The following RPL38 variants were observed in gnomAD, a reference collection of about 807,000 sequenced individuals.
RPL38 encodes ribosomal protein L38.
RPL38 carries 2 observed loss-of-function variants against 12.8 expected under a neutral mutation model. The observed-to-expected ratio is 0.16, with a 90% CI of 0.06 to 0.49. The LOEUF (loss-of-function observed/expected upper bound fraction) is 0.49. Among genes scored for constraint, RPL38 ranks in the 20% least tolerant of loss-of-function variants. The pLI is 0.96. For missense variants in RPL38, 52 were observed against 79.8 expected (o/e 0.65, Z 1.33); for synonymous variants, 42 against 30.1 (o/e 1.39, Z -1.29).
At chr17:74,204,288 C>A in intron 3 of RPL38, 98 bp downstream of exon 3, 1 of 1,089,352 alleles carries the variant, frequency 9.2e-7, no homozygotes, top group South Asian at 1.3e-5. Context: ...ACGGTTAGGC[C>A]GTCTGGGTGT....
At chr17:74,205,853 C>G (rs1029443433) in intron 3 of RPL38, 4 of 152,046 alleles carry the variant, frequency 2.6e-5, no homozygotes, top group African/African-American at 7.3e-5. Flanking sequence ...AACCCCATTT[C>G]TACTAAAAAT....
chr17:74,205,450 C>G (rs1287756893), intron 3 of RPL38: 1 of 152,208 alleles, frequency 6.6e-6, no homozygotes, highest in Non-Finnish European at 1.5e-5. Flanking sequence ...GAGAGTCTTT[C>G]AATGAGTTGG....
At position 74,206,708 on chromosome 17, in the gene RPL38, CTTTTTTTTTTT is replaced by C. The variant is rs35333460; in HGVS notation, c.65-2467_65-2457del. Among the ~76,000 whole-genome samples the C allele has an allele frequency of 1.8e-3, 183 of 101,594 alleles. 4 individuals carry two copies. Among genetic ancestry groups the C allele is most frequent in the African/African-American group, 6.4e-3 (165 of 25,716 alleles). The allele number at this position is 101,594 out of a possible 152,430, so 66.6% of individuals were successfully genotyped here. ...CAGAATTGCCTTCTGTTTTTTCTTT[CTTTTTTTTTTT>C]TTTTTTTTTTTGACATGGAATGTCA... On this transcript the variant is annotated intron_variant, in intron 3 of 4. Transcript: ENST00000311111.
chr17:74,207,470 G>T lies in RPL38; in HGVS notation c.65-1717G>T, dbSNP rs566946536. Among the ~76,000 whole-genome samples the T allele has an allele frequency of 4.6e-5, 7 of 152,258 alleles. No homozygotes were observed. The East Asian group carries it at 1.4e-3, about 29-fold the overall frequency. On this transcript the variant is annotated intron_variant, in intron 3 of 4. Transcript: ENST00000311111. ...CTGTGGTTGCTATCTGTTCTTTGGG[G>T]TATATACCTAGAAATGGAATTGCTG...
intron 3 of RPL38, 102 bp from the exon 4 acceptor site, chr17:74,209,083 GCT>G: frequency 1.5e-5 from 18 of 1,204,880 alleles, no homozygotes; most frequent in Non-Finnish European, 2.2e-5. Flanking sequence ...GGAGGTGGGT[GCT>G]GTCTCCTGCA....
rs111676869 is a variant in RPL38, at chr17:74,204,082, G to A, written c.4-48G>A. On this transcript the variant is annotated intron_variant, in intron 2 of 4. Coordinates refer to ENST00000311111, the MANE Select transcript of RPL38 (RefSeq NM_000999.4). ...AGCTGGTGGACTGGGCCATCGCCGGGAGACGTGTCTCTTTCCTCTCTGTTC... is the reference window on the plus strand; with the variant it reads ...AGCTGGTGGACTGGGCCATCGCCGGAAGACGTGTCTCTTTCCTCTCTGTTC... 2.9e-3 allele frequency: 4,620 copies of A among 1,612,704 alleles called. 102 individuals carry two copies. In the African/African-American group the frequency reaches 0.045, roughly 16 times the overall value.
At chr17:74,207,622 G>T (rs2382649) in intron 3 of RPL38, among the ~76,000 whole-genome samples, 3,919 of 151,778 alleles carry the variant, frequency 0.026, 172 homozygotes, top group African/African-American at 0.087. Flanking sequence ...TGCCTCCCAT[G>T]TTCTCCTGCC....
intron 2 of RPL38, 58 bp downstream of exon 2, chr17:74,204,016 A>G: frequency 6.2e-7 from 1 of 1,612,664 alleles, no homozygotes; most frequent in Non-Finnish European, 8.5e-7. Context: ...CCCCGGGGCG[A>G]GGGCGAGAGA....
Position 74,209,194 on chromosome 17 carries a change from G to A in RPL38, c.72G>A (p.Lys24=). 1 of 1,613,700 alleles carries A rather than the reference G, an allele frequency of 6.2e-7. No individual in the cohort carries two copies. Among genetic ancestry groups the A allele is most frequent in the Non-Finnish European group, 8.5e-7 (1 of 1,179,868 alleles). Residue 24 remains lysine, a synonymous_variant, in exon 4 of 5, where the codon AAG becomes AAA. Coordinates refer to ENST00000311111, the MANE Select transcript of RPL38 (RefSeq NM_000999.4). ...TARRKDAKSV[K]IKKNKDNVKF... ...GATTCTGGTCTCCGGTAGCTGTCAA[G>A]ATCAAGAAAAATAAGGACAACGTGA...
At chr17:74,206,708 CTTTT>C (rs35333460) in intron 3 of RPL38, among the ~76,000 whole-genome samples, 6 of 101,596 alleles carry the variant, frequency 5.9e-5, no homozygotes, top group African/African-American at 2.3e-4. Context: ...TTTTTTCTTT[CTTTT>C]TTTTTTTTTT....
At chr17:74,204,061 G>A in intron 2 of RPL38, 69 bp from the exon 3 acceptor site, 1 of 1,610,588 alleles carries the variant, frequency 6.2e-7, no homozygotes, top group Non-Finnish European at 8.5e-7. Flanking sequence ...GGGAGAAGCT[G>A]GTGGACTGGG....
At position 74,203,719 on chromosome 17, in the gene RPL38, C is replaced by T. The variant is rs561668055; in HGVS notation, c.-65C>T. 1.1e-4 allele frequency: 67 copies of T among 597,244 alleles called. No homozygotes were observed. In the Admixed American group the frequency reaches 1.4e-3, roughly 13 times the overall value. 37.0% of individuals were successfully genotyped at this position (597,244 alleles called of 1,614,324 possible). ...CCCGGTTGCTGCTTGCTGTGAGTGT[C>T]TCTAGGGTGATACGTGGGTGAGAAA... On this transcript the variant is annotated 5_prime_UTR_variant, in exon 1 of 5. Coordinates refer to ENST00000311111, the MANE Select transcript of RPL38 (RefSeq NM_000999.4).
chr17:74,206,335 G>A (rs1005366418), intron 3 of RPL38: 3 of 152,156 alleles, frequency 2.0e-5, no homozygotes, highest in Non-Finnish European at 2.9e-5. Flanking sequence ...TACTCAGGAG[G>A]CTGAGGTAGG....
At position 74,209,070 on chromosome 17, in the gene RPL38, A is replaced by G. The variant is rs990598070; in HGVS notation, c.65-117A>G. 59 of 1,021,776 alleles carry G rather than the reference A, an allele frequency of 5.8e-5. No homozygotes were observed. The African/African-American group carries it at 9.1e-4, about 16-fold the overall frequency. The allele number at this position is 1,021,776 out of a possible 1,614,324, so 63.3% of individuals were successfully genotyped here. A position where few individuals can be genotyped will look rare whatever the true frequency, so the allele number is the denominator to read the frequency against. On this transcript the variant is annotated intron_variant, in intron 3 of 4. Coordinates refer to ENST00000311111, the MANE Select transcript of RPL38 (RefSeq NM_000999.4). ...TTTTCTGTTTGCACAGAGGGATGGT[A>G]CTGGAGGTGGGTGCTGTCTCCTGCA...
At chr17:74,204,216 G>A (rs754507409) in intron 3 of RPL38, 26 bp downstream of exon 3, 3 of 1,610,070 alleles carry the variant, frequency 1.9e-6, no homozygotes, top group African/African-American at 1.3e-5. Context: ...GAAGGTTCAA[G>A]AAGAGCGGTG....
At chr17:74,208,765 C>G (rs1401034451) in intron 3 of RPL38, among the ~76,000 whole-genome samples, 1 of 152,104 alleles carries the variant, frequency 6.6e-6, no homozygotes, top group African/African-American at 2.4e-5. Context: ...GAAACCCCAT[C>G]TCTACTAAAA....
chr17:74,203,819 AGGG>A (rs2050082917), intron 1 of RPL38, 74 bp downstream of exon 1: 1 of 1,106,488 alleles, frequency 9.0e-7, no homozygotes, highest in East Asian at 2.6e-5. Context: ...GGGGAGGAGA[AGGG>A]GAGTGCGATG....
intron 2 of RPL38, 35 bp from the exon 3 acceptor site, chr17:74,204,095 T>C (rs779661995): frequency 9.3e-6 from 15 of 1,613,612 alleles, no homozygotes; most frequent in Non-Finnish European, 2.5e-6. Flanking sequence ...ACGTGTCTCT[T>C]TCCTCTCTGT....
At chr17:74,209,093 G>A in intron 3 of RPL38, 94 bp from the exon 4 acceptor site, 4 of 1,366,984 alleles carry the variant, frequency 2.9e-6, no homozygotes, top group Non-Finnish European at 4.1e-6. Context: ...GCTGTCTCCT[G>A]CATGCTGCTT....
Sources: gnomAD v4.1 joint callset for allele counts (sites outside exome capture counted in the v4.1 genomes callset) on GRCh38, gnomAD v4.1.1 for gene constraint, MANE v1.5 for transcripts, NCBI Gene and HGNC (gene_info 2026-07-23, HGNC 2026-07-21) for gene names.